Variants in NFILZ observed in about 807,000 individuals in gnomAD.
NFILZ encodes the protein NFIL3 like basic leucine zipper, also known as NFIL3 like protein.
rs889904961 is a variant in NFILZ, at chr19:8,679,454, G to A, written c.*1819G>A. 5.9e-5 allele frequency among the ~76,000 whole-genome samples: 9 copies of A among 151,648 alleles called. No homozygotes were observed. The highest frequency in any genetic ancestry group is 7.4e-5 in the Non-Finnish European group (5 of 67,986). ...TGGATCACTTGGACTCAGGAGCATC[G>A]CCCACCCCCACCAGATCTGGGGGCT... On this transcript the variant is annotated 3_prime_UTR_variant, in exon 6 of 6. Transcript: ENST00000691075.
At chr19:8,659,916 G>A (rs2043022111) in intron 3 of NFILZ, among the ~76,000 whole-genome samples, 1 of 152,084 alleles carries the variant, frequency 6.6e-6, no homozygotes, top group South Asian at 2.1e-4. Flanking sequence ...GTGGTGGGGG[G>A]AGGGCTCCAA....
At chr19:8,632,275 TCA>T (rs1555745647) in intron 1 of NFILZ, among the ~76,000 whole-genome samples, 199 bp from the exon 2 acceptor site, 126 of 148,314 alleles carry the variant, frequency 8.5e-4, no homozygotes, top group African/African-American at 3.0e-3. Context: ...TGTGTGTGTG[TCA>T]GGGGGTTATT....
In NFILZ at chr19:8,630,700, G is replaced by A. The variant is rs1456967186; in HGVS notation, c.-455G>A. On this transcript the variant is annotated 5_prime_UTR_variant, in exon 1 of 6. Transcript: ENST00000691075. ...AGCTCTAGGGGAACCTGAGGGCTTG[G>A]GTGGAAGACTGGAGAGCCAGGAGGA... 6.6e-6 allele frequency: 1 copy of A among 152,566 alleles called. No individual in the cohort carries two copies. The highest frequency in any genetic ancestry group is 2.4e-5 in the African/African-American group (1 of 41,428). 9.5% of individuals were successfully genotyped at this position (152,566 alleles called of 1,614,324 possible). A position where few individuals can be genotyped will look rare whatever the true frequency, so the allele number is the denominator to read the frequency against.
At chr19:8,637,912 C>CAAA (rs35778716) in intron 3 of NFILZ, among the ~76,000 whole-genome samples, 17 of 20,264 alleles carry the variant, frequency 8.4e-4, no homozygotes, top group East Asian at 1.6e-3. Flanking sequence ...AAGATGGTCT[C>CAAA]AAAAAAAAAA....
rs77148152 is a variant in NFILZ, at chr19:8,656,345, C to G, written c.-163-18206C>G. On this transcript the variant is annotated intron_variant, in intron 3 of 5. Coordinates refer to ENST00000691075, the MANE Select transcript of NFILZ (RefSeq NM_001378600.1). Reference sequence around the variant, plus strand: ...CCTGAAGCCCCCTTCTTCCTGAAGCCCACCTCTTCCCTGAAGCCCACCTTC... The same window carrying G: ...CCTGAAGCCCCCTTCTTCCTGAAGCGCACCTCTTCCCTGAAGCCCACCTTC... 1.2e-3 allele frequency among the ~76,000 whole-genome samples: 158 copies of G among 133,718 alleles called. 1 individual carries two copies. The highest frequency in any genetic ancestry group is 1.6e-3 in the Non-Finnish European group (99 of 60,228). 87.7% of individuals were successfully genotyped at this position (133,718 alleles called of 152,430 possible). A position where few individuals can be genotyped will look rare whatever the true frequency, so the allele number is the denominator to read the frequency against.
intron 3 of NFILZ, among the ~76,000 whole-genome samples, chr19:8,657,290 AG>A (rs1314786028): frequency 1.3e-5 from 2 of 148,984 alleles, no homozygotes; most frequent in Admixed American, 1.3e-4. Flanking sequence ...TTTTGTAGAG[AG>A]GGGGGTTTCA....
Position 8,647,920 on chromosome 19 carries a change from C to T in NFILZ, c.-164+12174C>T, listed in dbSNP as rs1555747337. 2.6e-5 allele frequency among the ~76,000 whole-genome samples: 4 copies of T among 151,634 alleles called. No individual in the cohort carries two copies. In the South Asian group the frequency reaches 6.3e-4, roughly 24 times the overall value. On this transcript the variant is annotated intron_variant, in intron 3 of 5. Transcript: ENST00000691075. The stretch of plus-strand genomic sequence containing the variant: ...AGGTGCGGTGGCTCGTGCCTGTAAT[C>T]CCAGCACTTTGGGAGGCCGAGGCGG...
intron 3 of NFILZ, among the ~76,000 whole-genome samples, chr19:8,640,270 T>C (rs1159809285): frequency 6.6e-6 from 1 of 151,304 alleles, no homozygotes; most frequent in Non-Finnish European, 1.5e-5. Flanking sequence ...GATACTGTGC[T>C]CTCCCAGTCT....
At chr19:8,664,914 C>G (rs925371739) in intron 3 of NFILZ, among the ~76,000 whole-genome samples, 1 of 152,096 alleles carries the variant, frequency 6.6e-6, no homozygotes, top group Non-Finnish European at 1.5e-5. Flanking sequence ...CATTACCTAT[C>G]AAGGCAACCT....
chr19:8,649,289 A>T (rs2042955145), intron 3 of NFILZ, among the ~76,000 whole-genome samples: 4 of 149,922 alleles, frequency 2.7e-5, no homozygotes, highest in Admixed American at 2.7e-4. Flanking sequence ...TTTTTGAGAC[A>T]AAGTCTCGCT....
At chr19:8,663,780 G>GTA in intron 3 of NFILZ, among the ~76,000 whole-genome samples, 1 of 125,156 alleles carries the variant, frequency 8.0e-6, no homozygotes, top group South Asian at 2.8e-4. Flanking sequence ...GTATGTATGT[G>GTA]TGTTTGTTGT....
chr19:8,656,286 C>CG (rs2042994095), intron 3 of NFILZ, among the ~76,000 whole-genome samples: 2 of 105,756 alleles, frequency 1.9e-5, no homozygotes, highest in African/African-American at 3.2e-5. Context: ...CACCTTCTCC[C>CG]CACAGCCCAC....
intron 3 of NFILZ, among the ~76,000 whole-genome samples, chr19:8,663,059 C>T (rs557500696): frequency 5.3e-5 from 8 of 149,912 alleles, no homozygotes; most frequent in East Asian, 4.0e-4. Flanking sequence ...GCGATCCTCA[C>T]GCCTCAGCCT....
intron 3 of NFILZ, among the ~76,000 whole-genome samples, chr19:8,636,048 G>T (rs1290580874): frequency 6.6e-6 from 1 of 152,002 alleles, no homozygotes; most frequent in African/African-American, 2.4e-5. Context: ...TATTGCCCAG[G>T]CTGGTGTTGA....
At chr19:8,653,010 TCCTTTC>T (rs1410489637) in intron 3 of NFILZ, among the ~76,000 whole-genome samples, 1 of 34,156 alleles carries the variant, frequency 2.9e-5, no homozygotes, top group Non-Finnish European at 6.7e-5. Flanking sequence ...CTTCCTTCCT[TCCTTTC>T]TTTCTTTCTT....
chr19:8,638,202 G>A (rs1333223314), intron 3 of NFILZ, among the ~76,000 whole-genome samples: 4 of 152,128 alleles, frequency 2.6e-5, no homozygotes, highest in African/African-American at 4.8e-5. Flanking sequence ...TTGCCATTCC[G>A]CGGTAAACGC....
In NFILZ at chr19:8,671,880, G is replaced by A. The variant is rs185708337; in HGVS notation, c.-163-2671G>A. 7.9e-3 allele frequency among the ~76,000 whole-genome samples: 1,209 copies of A among 152,258 alleles called. 7 individuals carry two copies. Among genetic ancestry groups the A allele is most frequent in the Non-Finnish European group, 0.012 (811 of 68,020 alleles). ...GCAGGGGAATTCTGTGGCTAGTGGG[G>A]GACCCCAAGTGAGGGCTTGTCTGGG... On this transcript the variant is annotated intron_variant, in intron 3 of 5. Coordinates refer to ENST00000691075, the MANE Select transcript of NFILZ (RefSeq NM_001378600.1).
intron 3 of NFILZ, among the ~76,000 whole-genome samples, chr19:8,646,179 G>A (rs1555747061): frequency 6.6e-6 from 1 of 151,962 alleles, no homozygotes. Flanking sequence ...TGGGATTATA[G>A]GTGTGTTCCA....
At position 8,668,883 on chromosome 19, in the gene NFILZ, G is replaced by A. The variant is rs570804888; in HGVS notation, c.-163-5668G>A. Among the ~76,000 whole-genome samples the A allele has an allele frequency of 3.9e-5, 6 of 152,256 alleles. No homozygotes were observed. The South Asian group carries it at 1.2e-3, about 32-fold the overall frequency. On this transcript the variant is annotated intron_variant, in intron 3 of 5. Transcript: ENST00000691075. ...ACAGTTGTGTTGGGTGATGTCCGAA[G>A]GTTCTCAGAGACATTTTCAACACAG...
Sources: allele counts gnomAD v4.1 joint callset (sites outside exome capture counted in the v4.1 genomes callset), GRCh38; gene constraint gnomAD v4.1.1; transcripts MANE v1.5; gene names NCBI Gene and HGNC (gene_info 2026-07-23, HGNC 2026-07-21).